The following EXT1 variants were observed in gnomAD, a reference collection of about 807,000 sequenced individuals.
EXT1 encodes exostosin glycosyltransferase 1.
A neutral mutation model predicts 82.5 loss-of-function variants in EXT1; 20 were observed. The ratio of observed to expected loss-of-function variants is 0.24; its 90% confidence interval spans 0.17 to 0.35. EXT1 has a LOEUF of 0.35. EXT1 is among the 10% of genes least tolerant of loss of function. EXT1 has a pLI of 1.00. For missense variants in EXT1, 757 were observed against 936.5 expected (o/e 0.81, Z 2.50); for synonymous variants, 348 against 350.8 (o/e 0.99, Z 0.09).
chr8:118,087,921 G>A (rs368575399), intron 1 of EXT1, among the ~76,000 whole-genome samples: 1 of 75,592 alleles, frequency 1.3e-5, no homozygotes, highest in Non-Finnish European at 2.6e-5. Context: ...ACGCCTATTT[G>A]TTTTATTCGT....
At chr8:118,079,225 T>C (rs576531547) in intron 1 of EXT1, among the ~76,000 whole-genome samples, 1 of 152,184 alleles carries the variant, frequency 6.6e-6, no homozygotes, top group South Asian at 2.1e-4. Context: ...TTAAGGAAAT[T>C]TGATCTCCTT....
chr8:117,839,749 T>C (rs1477760100), intron 1 of EXT1, among the ~76,000 whole-genome samples: 5 of 152,212 alleles, frequency 3.3e-5, no homozygotes, highest in African/African-American at 1.2e-4. Flanking sequence ...CCCATTGTGA[T>C]GCTCTTTCAC....
At chr8:117,997,245 C>CTATATATATATATA in intron 1 of EXT1, among the ~76,000 whole-genome samples, 1 of 136,256 alleles carries the variant, frequency 7.3e-6, no homozygotes, top group African/African-American at 2.7e-5. Flanking sequence ...AGTTGTCATA[C>CTATATATATATATA]TATATATATA....
At chr8:117,864,531 C>T (rs372286114) in intron 1 of EXT1, among the ~76,000 whole-genome samples, 1 of 152,102 alleles carries the variant, frequency 6.6e-6, no homozygotes, top group Non-Finnish European at 1.5e-5. Context: ...GGGCGGATCA[C>T]GAGGTCAGGA....
intron 1 of EXT1, among the ~76,000 whole-genome samples, chr8:118,032,667 C>T (rs1052927588): frequency 6.6e-6 from 1 of 151,906 alleles, no homozygotes; most frequent in Non-Finnish European, 1.5e-5. Flanking sequence ...TGTGCCACCA[C>T]GCCCAGCTAA....
intron 1 of EXT1, among the ~76,000 whole-genome samples, chr8:117,903,989 C>T (rs1338148904): frequency 6.6e-6 from 1 of 152,208 alleles, no homozygotes; most frequent in Non-Finnish European, 1.5e-5. Context: ...ACTCAAGAGA[C>T]AGTAACTGAC....
chr8:118,066,364 A>ATTTATTTATTTTTTTT (rs1170648035), intron 1 of EXT1, among the ~76,000 whole-genome samples: 128 of 150,024 alleles, frequency 8.5e-4, no homozygotes, highest in Middle Eastern at 3.4e-3. Context: ...TTATTTATTT[A>ATTTATTTATTTTTTTT]TTTATTTATT....
At position 118,111,153 on chromosome 8, in the gene EXT1, C is replaced by T; in HGVS notation, c.-107G>A. ...GCCATCTTCCCGCCTGTAAAGACTT[C>T]AAACTCTCCGCTCCCACCTTCTCTG... On this transcript the variant is annotated 5_prime_UTR_variant, in exon 1 of 11. Transcript: ENST00000378204. 6.8e-7 allele frequency: 1 copy of T among 1,469,932 alleles called. No individual in the cohort carries two copies. The highest frequency in any genetic ancestry group is 1.2e-5 in the South Asian group (1 of 82,464). 91.1% of individuals were successfully genotyped at this position (1,469,932 alleles called of 1,614,324 possible).
rs989045352 is a variant in EXT1 at position 118,111,690 on chromosome 8, C to A, written c.-644G>T. 11 of 217,976 alleles carry A rather than the reference C, an allele frequency of 5.0e-5. No individual in the cohort carries two copies. Among genetic ancestry groups the A allele is most frequent in the African/African-American group, 1.6e-4 (7 of 42,990 alleles). 13.5% of individuals were successfully genotyped at this position (217,976 alleles called of 1,614,324 possible). ...CCGGCCCCCGGGACGCGCGGCGGCC[C>A]GGCTGGAGGCGGCGGCGGCGGCGGC... On this transcript the variant is annotated 5_prime_UTR_variant, in exon 1 of 11. Transcript: ENST00000378204.
chr8:118,016,015 T>C (rs1325182506), intron 1 of EXT1, among the ~76,000 whole-genome samples: 1 of 152,218 alleles, frequency 6.6e-6, no homozygotes. Flanking sequence ...ACCTATAGGC[T>C]TCCAAGGGAG....
chr8:117,900,312 C>T (rs976467014), intron 1 of EXT1, among the ~76,000 whole-genome samples: 2 of 152,214 alleles, frequency 1.3e-5, no homozygotes, highest in Admixed American at 6.5e-5. Flanking sequence ...TTTATACACA[C>T]CACCTGCTTT....
intron 1 of EXT1, among the ~76,000 whole-genome samples, chr8:117,913,928 G>T (rs184009883): frequency 7.0e-4 from 106 of 152,320 alleles, no homozygotes; most frequent in African/African-American, 2.5e-3. Context: ...CTTGAACTTT[G>T]GTGGGCAGGC....
At chr8:117,864,886 T>C (rs1812749619) in intron 1 of EXT1, among the ~76,000 whole-genome samples, 1 of 152,204 alleles carries the variant, frequency 6.6e-6, no homozygotes, top group Non-Finnish European at 1.5e-5. Context: ...AAGCTTGGTC[T>C]AGATAATCCC....
At chr8:118,009,003 T>G (rs918197153) in intron 1 of EXT1, among the ~76,000 whole-genome samples, 8 of 152,188 alleles carry the variant, frequency 5.3e-5, no homozygotes, top group Non-Finnish European at 1.0e-4. Flanking sequence ...GCAGTAGAAC[T>G]GCCAGGAGAT....
intron 1 of EXT1, among the ~76,000 whole-genome samples, chr8:117,967,892 T>C (rs890276628): frequency 7.9e-5 from 12 of 152,184 alleles, no homozygotes. Context: ...AGTCTAAAGA[T>C]CTGATGTACA....
Position 117,830,259 on chromosome 8 carries a change from C to G in EXT1, c.1255G>C (p.Val419Leu). 6.2e-7 allele frequency: 1 copy of G among 1,614,028 alleles called. No individual in the cohort carries two copies. ...AGTGTAGTTAATACAATCTTCTCAA[C>G]TGAAGAAAAATAAGCCTCCCACAAG... The part of the protein sequence containing the change: ...QFLWEAYFSS[V>L]EKIVLTTLEI... The change falls in exon 4 of 11, where the codon GTT becomes CTT. Residue 419 changes from valine to leucine, a missense_variant. By Grantham distance (32) the Val-to-Leu change is conservative. Transcript: ENST00000378204.
In EXT1 at chr8:118,110,848, G is replaced by C. The variant is rs776249474; in HGVS notation, c.199C>G (p.Pro67Ala). The C allele has an allele frequency of 7.4e-6, 12 of 1,612,866 alleles. No individual in the cohort carries two copies. The highest frequency in any genetic ancestry group is 1.0e-5 in the Non-Finnish European group (12 of 1,179,036). The change falls in exon 1 of 11, where the codon CCT becomes GCT. Residue 67 changes from proline to alanine, a missense_variant. Around this residue, in one of 4 missense-constraint regions of EXT1, gnomAD observed 175 missense variants for 159.0 expected, o/e 1.10. Transcript: ENST00000378204. ...RFPDALRPFV[P>A]WDQLENEDSS... ...TCCTCGTTTTCCAATTGATCCCAAG[G>C]AACGAAGGGGCGCAGAGCGTCCGGG...
chr8:118,042,924 G>A (rs1816558640), intron 1 of EXT1, among the ~76,000 whole-genome samples: 1 of 152,146 alleles, frequency 6.6e-6, no homozygotes, highest in African/African-American at 2.4e-5. Flanking sequence ...AGAAGGCATA[G>A]CTCAATTATT....
chr8:117,963,891 GTGTT>G (rs1297091371), intron 1 of EXT1, among the ~76,000 whole-genome samples: 1 of 152,138 alleles, frequency 6.6e-6, no homozygotes, highest in African/African-American at 2.4e-5. Flanking sequence ...GATGATGTGT[GTGTT>G]TGTTTATGCA....
Sources: allele counts gnomAD v4.1 joint callset (sites outside exome capture counted in the v4.1 genomes callset), GRCh38; gene constraint gnomAD v4.1.1; regional missense constraint gnomAD v4.1.1; transcripts MANE v1.5; gene names NCBI Gene and HGNC (gene_info 2026-07-23, HGNC 2026-07-21).